DLG2: variants seen among roughly 807,000 people sequenced by gnomAD.
The protein encoded by DLG2 is discs large MAGUK scaffold protein 2.
In DLG2, 45 loss-of-function variants were observed where a neutral mutation model predicts 132.5. The observed-to-expected ratio is 0.34, with a 90% confidence interval of 0.27 to 0.44. The LOEUF is 0.44. DLG2 is among the 20% of genes least tolerant of loss of function. The pLI, the probability that DLG2 is intolerant of heterozygous loss-of-function variation, is 1.00. For synonymous variants in DLG2, 424 were observed against 419.6 expected (o/e 1.01, Z -0.13); for missense variants, 1,045 against 1,196.9 (o/e 0.87, Z 1.87).
intron 3 of DLG2, among the ~76,000 whole-genome samples, chr11:85,598,315 A>G (rs2079920642): frequency 6.6e-6 from 1 of 152,130 alleles, no homozygotes; most frequent in Non-Finnish European, 1.5e-5. Flanking sequence ...AAGGAAGACA[A>G]CTTCCTTCTT....
At chr11:84,719,222 T>A (rs1347388731) in intron 6 of DLG2, among the ~76,000 whole-genome samples, 1 of 152,222 alleles carries the variant, frequency 6.6e-6, no homozygotes, top group East Asian at 1.9e-4. Flanking sequence ...TTAACTTTAC[T>A]GCCTAAGGTG....
chr11:84,194,273 C>T (rs554012820), intron 8 of DLG2, among the ~76,000 whole-genome samples: 53 of 152,124 alleles, frequency 3.5e-4, no homozygotes, highest in Non-Finnish European at 8.8e-5. Context: ...TGGACCCTTG[C>T]GGTCAGTGTT....
chr11:84,283,638 G>A (rs1310057684), intron 7 of DLG2, among the ~76,000 whole-genome samples: 3 of 152,138 alleles, frequency 2.0e-5, no homozygotes, highest in African/African-American at 7.2e-5. Flanking sequence ...TCTAAAGGAT[G>A]TAACCTCCTA....
At chr11:83,515,311 G>A (rs2095251656) in intron 21 of DLG2, among the ~76,000 whole-genome samples, 1 of 152,174 alleles carries the variant, frequency 6.6e-6, no homozygotes, top group South Asian at 2.1e-4. Context: ...TAGTCTATTT[G>A]CGTAGAGGTG....
At chr11:83,532,470 C>T (rs1024761383) in intron 21 of DLG2, among the ~76,000 whole-genome samples, 1 of 152,078 alleles carries the variant, frequency 6.6e-6, no homozygotes, top group Admixed American at 6.6e-5. Flanking sequence ...ATTACATCAC[C>T]TTCATCAACA....
intron 17 of DLG2, among the ~76,000 whole-genome samples, chr11:83,824,276 G>A (rs565534219): frequency 1.4e-4 from 22 of 152,128 alleles, no homozygotes; most frequent in African/African-American, 5.3e-4. Context: ...AGCTAAGGAT[G>A]GTCTCTTCTT....
intron 6 of DLG2, among the ~76,000 whole-genome samples, chr11:84,784,354 A>AATTAATT (rs1565953308): frequency 2.1e-5 from 3 of 143,984 alleles, no homozygotes; most frequent in Non-Finnish European, 3.1e-5. Context: ...ATAAATAAAT[A>AATTAATT]AATAAATAAA....
At chr11:85,033,007 C>A (rs1397329162) in intron 6 of DLG2, among the ~76,000 whole-genome samples, 2 of 152,104 alleles carry the variant, frequency 1.3e-5, no homozygotes, top group African/African-American at 4.8e-5. Context: ...CATTGCATGC[C>A]AAGTGAAAAG....
intron 16 of DLG2, among the ~76,000 whole-genome samples, chr11:83,850,517 T>C (rs1488139811): frequency 2.0e-5 from 3 of 151,002 alleles, no homozygotes; most frequent in Admixed American, 2.0e-4. Context: ...AGTGGGATAA[T>C]AATTAATGAA....
intron 10 of DLG2, among the ~76,000 whole-genome samples, chr11:84,067,283 A>C (rs2096689446): frequency 6.6e-6 from 1 of 151,708 alleles, no homozygotes; most frequent in Non-Finnish European, 1.5e-5. Context: ...GCTGTGAGCC[A>C]AGACCGCGCC....
intron 2 of DLG2, among the ~76,000 whole-genome samples, chr11:85,623,310 A>ATT (rs202111117): frequency 6.8e-6 from 1 of 146,976 alleles, no homozygotes. Context: ...CAATAGGACA[A>ATT]TTTTTTTTTT....
At chr11:84,048,337 T>A (rs2096281567) in intron 11 of DLG2, among the ~76,000 whole-genome samples, 1 of 151,584 alleles carries the variant, frequency 6.6e-6, no homozygotes, top group Non-Finnish European at 1.5e-5. Context: ...TAAATTTCCT[T>A]GTGTACCCCA....
At position 83,881,318 on chromosome 11, in the gene DLG2, T is replaced by C. The variant is rs575610722; in HGVS notation, c.1497-6830A>G. 1.7e-4 allele frequency among the ~76,000 whole-genome samples: 26 copies of C among 152,330 alleles called. No individual in the cohort carries two copies. The South Asian group carries it at 3.5e-3, about 21-fold the overall frequency. On this transcript the variant is annotated intron_variant, in intron 15 of 27. Coordinates refer to ENST00000376104, the MANE Select transcript of DLG2 (RefSeq NM_001142699.3). ...AAATGATTAAAAATCAAATCTATCA[T>C]GTACTTACACATTGGATTTTGGGAC...
intron 6 of DLG2, among the ~76,000 whole-genome samples, chr11:85,098,321 A>G (rs1172891818): frequency 6.6e-6 from 1 of 152,224 alleles, no homozygotes; most frequent in Non-Finnish European, 1.5e-5. Context: ...ATTCCCTTCC[A>G]CAGCCCAGTT....
intron 18 of DLG2, among the ~76,000 whole-genome samples, chr11:83,760,398 C>T (rs894105575): frequency 6.6e-6 from 1 of 152,128 alleles, no homozygotes; most frequent in African/African-American, 2.4e-5. Context: ...AACACATATT[C>T]TTTCTCATTT....
intron 7 of DLG2, among the ~76,000 whole-genome samples, chr11:84,509,395 C>A (rs1165410945): frequency 6.6e-6 from 1 of 152,148 alleles, no homozygotes; most frequent in South Asian, 2.1e-4. Context: ...AGTATGAGAT[C>A]TCTTATATTG....
chr11:85,180,687 G>C (rs555484369), intron 4 of DLG2, among the ~76,000 whole-genome samples: 15 of 151,870 alleles, frequency 9.9e-5, no homozygotes, highest in African/African-American at 3.6e-4. Context: ...AGAACATAGA[G>C]CCCAGGAATG....
chr11:84,358,743 T>TTA (rs2098632705), intron 7 of DLG2, among the ~76,000 whole-genome samples: 1 of 151,986 alleles, frequency 6.6e-6, no homozygotes, highest in African/African-American at 2.4e-5. Context: ...GAATGACTTA[T>TTA]GTGTAATACC....
chr11:85,463,676 C>T (rs573204049), intron 3 of DLG2, among the ~76,000 whole-genome samples: 6 of 152,126 alleles, frequency 3.9e-5, no homozygotes, highest in Non-Finnish European at 7.4e-5. Context: ...GAGGCTAAGG[C>T]GGGAGGATGA....
Sources: allele counts gnomAD v4.1 joint callset (sites outside exome capture counted in the v4.1 genomes callset), GRCh38; gene constraint gnomAD v4.1.1; transcripts MANE v1.5; gene names NCBI Gene and HGNC (gene_info 2026-07-23, HGNC 2026-07-21).